The following CRB1 variants were observed in gnomAD, a reference collection of about 807,000 sequenced individuals.
CRB1 encodes the protein crumbs cell polarity complex component 1.
Under a neutral mutation model 120.0 loss-of-function variants are expected in CRB1, and 83 were observed. That is an observed-to-expected ratio of 0.69 (90% CI 0.58 to 0.83). The LOEUF (loss-of-function observed/expected upper bound fraction) is 0.83, where lower values mean the gene tolerates loss of function less well. CRB1 is among the 40% of genes least tolerant of loss of function. CRB1 has a pLI of 0.00. For missense variants in CRB1, 1,699 were observed against 1,687.6 expected, an observed-to-expected ratio of 1.01 and a Z score of -0.12; for synonymous variants, 625 against 612.5, an observed-to-expected ratio of 1.02 and a Z score of -0.30.
chr1:197,332,386 A>C (rs1309103126), intron 2 of CRB1, among the ~76,000 whole-genome samples: 1 of 152,098 alleles, frequency 6.6e-6, no homozygotes, highest in African/African-American at 2.4e-5. Context: ...GTTGTTCCCT[A>C]TTTGACTATA....
At chr1:197,460,959 T>A (rs577671741) in intron 11 of CRB1, among the ~76,000 whole-genome samples, 1 of 152,230 alleles carries the variant, frequency 6.6e-6, no homozygotes, top group South Asian at 2.1e-4. Flanking sequence ...GGAAAGAAAT[T>A]GTAAATTTTG....
At chr1:197,474,232 A>G (rs1474687625) in intron 11 of CRB1, among the ~76,000 whole-genome samples, 1 of 152,180 alleles carries the variant, frequency 6.6e-6, no homozygotes, top group African/African-American at 2.4e-5. Context: ...TTTGAAGTAG[A>G]TGTTAATATT....
At chr1:197,350,435 T>G (rs1010568993) in intron 4 of CRB1, among the ~76,000 whole-genome samples, 2 of 152,210 alleles carry the variant, frequency 1.3e-5, no homozygotes, top group Non-Finnish European at 2.9e-5. Context: ...GTGGAAATTA[T>G]GTAGGAGGGC....
chr1:197,453,549 GAC>G (rs59868856), intron 11 of CRB1, among the ~76,000 whole-genome samples: 79,479 of 112,104 alleles, frequency 0.71, 28,328 homozygotes, highest in Non-Finnish European at 0.8. Flanking sequence ...TAGAGAGAGA[GAC>G]AGAGAGAGAG....
rs1667290439 is a variant in CRB1 at position 197,478,331 on chromosome 1, T to A, written c.*452T>A. The A allele has an allele frequency of 8.5e-6, 2 of 235,054 alleles. No homozygotes were observed. Among genetic ancestry groups the A allele is most frequent in the South Asian group, 1.2e-4 (2 of 17,196 alleles). The allele number at this position is 235,054 out of a possible 1,614,324, so 14.6% of individuals were successfully genotyped here. A position where few individuals can be genotyped will look rare whatever the true frequency, so the allele number is the denominator to read the frequency against. Reference sequence around the variant, plus strand: ...ACTTCTCCTATCATGTGGTCAAAGTTATTGTTGTATACCAGCGATGGGATG... The same window carrying A: ...ACTTCTCCTATCATGTGGTCAAAGTAATTGTTGTATACCAGCGATGGGATG... On this transcript the variant is annotated 3_prime_UTR_variant, in exon 12 of 12. Coordinates refer to ENST00000367400, the MANE Select transcript of CRB1 (RefSeq NM_201253.3).
At chr1:197,253,291 A>C in the CRB1 span, among the ~76,000 whole-genome samples, 1 of 152,046 alleles carries the variant, frequency 6.6e-6, no homozygotes, top group Non-Finnish European at 1.5e-5. Flanking sequence ...GCTACTTGGC[A>C]TACTTATTCT....
At chr1:197,456,228 G>A (rs1012515233) in intron 11 of CRB1, among the ~76,000 whole-genome samples, 5 of 151,950 alleles carry the variant, frequency 3.3e-5, no homozygotes, top group African/African-American at 9.7e-5. Flanking sequence ...TAGAACTCAG[G>A]AAAAAAATTA....
At chr1:197,463,671 T>G (rs979327836) in intron 11 of CRB1, among the ~76,000 whole-genome samples, 1 of 152,206 alleles carries the variant, frequency 6.6e-6, no homozygotes, top group Admixed American at 6.5e-5. Flanking sequence ...TTTAAATACA[T>G]GCAATAATCT....
At chr1:197,352,070 T>C (rs1012725576) in intron 4 of CRB1, among the ~76,000 whole-genome samples, 1 of 152,232 alleles carries the variant, frequency 6.6e-6, no homozygotes, top group Non-Finnish European at 1.5e-5. Context: ...TCAGTCACCT[T>C]AAATGCTTAC....
chr1:197,211,721 A>G, the CRB1 span, among the ~76,000 whole-genome samples: 1 of 152,256 alleles, frequency 6.6e-6, no homozygotes, highest in Non-Finnish European at 1.5e-5. Flanking sequence ...CATAAAGTGG[A>G]AAAATCCATA....
intron 5 of CRB1, among the ~76,000 whole-genome samples, chr1:197,385,742 C>T (rs942290895): frequency 3.3e-5 from 5 of 151,890 alleles, no homozygotes; most frequent in Admixed American, 6.6e-5. Flanking sequence ...GTATACTGAA[C>T]GCCTCAAGAG....
chr1:197,282,067 G>GA (rs139819098), intron 1 of CRB1, among the ~76,000 whole-genome samples: 131 of 128,660 alleles, frequency 1.0e-3, no homozygotes, highest in South Asian at 5.6e-3. Flanking sequence ...TCATAAAAAT[G>GA]AAAAAAAAAA....
At chr1:197,342,616 T>C (rs913696714) in intron 2 of CRB1, among the ~76,000 whole-genome samples, 5 of 152,204 alleles carry the variant, frequency 3.3e-5, no homozygotes, top group Non-Finnish European at 7.3e-5. Context: ...CCAGTCTCTA[T>C]ATTTTATACT....
chr1:197,214,026 AAATGAT>A, the CRB1 span, among the ~76,000 whole-genome samples: 1 of 152,160 alleles, frequency 6.6e-6, no homozygotes, highest in Non-Finnish European at 1.5e-5. Context: ...AAAAGGAAGA[AAATGAT>A]AAAGATAAGA....
At chr1:197,324,889 A>G (rs988512605) in intron 1 of CRB1, among the ~76,000 whole-genome samples, 1 of 152,226 alleles carries the variant, frequency 6.6e-6, no homozygotes, top group African/African-American at 2.4e-5. Context: ...GCCTCAATTT[A>G]GTATTTAAGA....
chr1:197,234,089 G>T, the CRB1 span, among the ~76,000 whole-genome samples: 1 of 152,244 alleles, frequency 6.6e-6, no homozygotes, highest in African/African-American at 2.4e-5. Flanking sequence ...TAGGGTAGAG[G>T]CATGTGGATG....
chr1:197,255,661 C>T, the CRB1 span, among the ~76,000 whole-genome samples: 3 of 151,834 alleles, frequency 2.0e-5, no homozygotes, highest in African/African-American at 7.3e-5. Flanking sequence ...CTCAAATGTG[C>T]AAAGAAAAGT....
chr1:197,341,278 C>T (rs1046253328), intron 2 of CRB1, among the ~76,000 whole-genome samples: 9 of 152,196 alleles, frequency 5.9e-5, no homozygotes, highest in African/African-American at 1.9e-4. Flanking sequence ...CGCAGTGGCT[C>T]ATGCCTGTAA....
At chr1:197,404,991 G>T (rs1168012694) in intron 5 of CRB1, among the ~76,000 whole-genome samples, 1 of 152,176 alleles carries the variant, frequency 6.6e-6, no homozygotes, top group African/African-American at 2.4e-5. Context: ...AAAGTGAGCT[G>T]CACACCATAC....
Sources: allele counts gnomAD v4.1 joint callset (sites outside exome capture counted in the v4.1 genomes callset), GRCh38; gene constraint gnomAD v4.1.1; transcripts MANE v1.5; gene names NCBI Gene and HGNC (gene_info 2026-07-23, HGNC 2026-07-21).